Variants in PRKDC observed in about 807,000 individuals in gnomAD.
PRKDC encodes the protein protein kinase, DNA-activated, catalytic subunit.
Under a neutral mutation model 486.9 loss-of-function variants are expected in PRKDC, and 82 were observed. That is an observed-to-expected ratio of 0.17 (90% CI 0.14 to 0.20). The LOEUF is 0.20. Ranked by LOEUF, PRKDC falls within the 10% of genes least tolerant of loss-of-function variation. PRKDC has a pLI of 1.00. For synonymous variants in PRKDC, 1,895 were observed against 1,837.0 expected, an observed-to-expected ratio of 1.03 and a Z score of -0.81; for missense variants, 4,504 against 5,038.2, an observed-to-expected ratio of 0.89 and a Z score of 3.21.
Position 47,889,107 on chromosome 8 carries a change from G to A in PRKDC, c.4187C>T (p.Pro1396Leu), listed in dbSNP as rs762505068. Residue 1396 changes from proline (P) to leucine (L), a missense_variant, in exon 33 of 86, where the codon CCT becomes CTT. Around this residue, in one of 6 missense-constraint regions of PRKDC, gnomAD observed 1,969 missense variants for 2,068.9 expected, o/e 0.95. Transcript: ENST00000314191. ...TTTCATCAGATTCACACAAACATCA[G>A]GAAGATGAGCCATAACCTGGACGTC... ...IGDVQVMAHLPDVCVNLMKAL... is the reference protein window; with the variant it reads ...IGDVQVMAHLLDVCVNLMKAL... 6.2e-7 allele frequency: 1 copy of A among 1,613,996 alleles called. No homozygotes were observed. Among genetic ancestry groups the A allele is most frequent in the Non-Finnish European group, 8.5e-7 (1 of 1,179,902 alleles).
Position 47,849,426 on chromosome 8 carries a change from A to G in PRKDC, c.7083T>C (p.Ile2361=), listed in dbSNP as rs1241908273. The G allele has an allele frequency of 6.2e-6, 10 of 1,613,894 alleles. No homozygotes were observed. The highest frequency in any genetic ancestry group is 3.3e-4 in the Middle Eastern group (2 of 6,084). The change falls in exon 53 of 86, where the codon ATT becomes ATC. Residue 2361 remains isoleucine (I), a synonymous_variant. Transcript: ENST00000314191. ...TCTTGGTCACTTTGTTCAAGCACAC[A>G]ATAAACTTGTCCTCCATAGTATTCT... ...QHQNTMEDKF[I]VCLNKVTKSF...
At chr8:47,816,722 T>C (rs1238501534) in intron 68 of PRKDC, among the ~76,000 whole-genome samples, 1 of 151,964 alleles carries the variant, frequency 6.6e-6, no homozygotes, top group Admixed American at 6.5e-5. Context: ...ATGTTTAAAA[T>C]GTTATTTAAA....
Position 47,858,913 on chromosome 8 carries a change from A to G in PRKDC, c.6281T>C (p.Met2094Thr), listed in dbSNP as rs1487796720. 8 of 1,613,678 alleles carry G rather than the reference A, an allele frequency of 5.0e-6. No homozygotes were observed. Among genetic ancestry groups the G allele is most frequent in the Non-Finnish European group, 6.8e-6 (8 of 1,179,884 alleles). Residue 2094 changes from methionine to threonine, a missense_variant, in exon 47 of 86, where the codon ATG becomes ACG. By Grantham distance (81) the Met-to-Thr change is moderately conservative. Transcript: ENST00000314191. ...EMDELNRHEC[M>T]APLTALVKHM... ...CTTGACCAGGGCCGTCAGGGGCGCCATGCACTCATGCCGATTGAGCTCGTC... is the reference window on the plus strand; with the variant it reads ...CTTGACCAGGGCCGTCAGGGGCGCCGTGCACTCATGCCGATTGAGCTCGTC...
At chr8:47,940,544 A>G (rs2090427086) in intron 10 of PRKDC, among the ~76,000 whole-genome samples, 1 of 152,242 alleles carries the variant, frequency 6.6e-6, no homozygotes, top group African/African-American at 2.4e-5. Flanking sequence ...TATTTGTTTT[A>G]GAAGAATGAA....
intron 41 of PRKDC, among the ~76,000 whole-genome samples, chr8:47,864,099 GATTGT>G (rs540306648): frequency 1.0e-3 from 158 of 152,318 alleles, no homozygotes; most frequent in Non-Finnish European, 1.9e-3. Context: ...GATTATTTTG[GATTGT>G]ACAGGTGGGT....
chr8:47,905,653 G>A (rs1038211993), intron 25 of PRKDC, among the ~76,000 whole-genome samples: 3 of 152,084 alleles, frequency 2.0e-5, no homozygotes, highest in African/African-American at 4.8e-5. Context: ...CCACAGGGGA[G>A]GAACATAGAA....
chr8:47,874,037 G>A (rs528367691), intron 40 of PRKDC, among the ~76,000 whole-genome samples: 62 of 141,804 alleles, frequency 4.4e-4, no homozygotes, highest in African/African-American at 1.5e-3. Context: ...CCTGCCTCCC[G>A]GGTTCACGTC....
At chr8:47,957,333 A>T (rs1433805287) in intron 2 of PRKDC, 22 bp downstream of exon 2, 9 of 1,595,346 alleles carry the variant, frequency 5.6e-6, no homozygotes, top group Non-Finnish European at 7.7e-6. Context: ...CAAGAAAAGC[A>T]AAACCAAAAT....
chr8:47,883,578 T>A (rs1467393785), intron 36 of PRKDC, among the ~76,000 whole-genome samples: 1 of 152,232 alleles, frequency 6.6e-6, no homozygotes, highest in Non-Finnish European at 1.5e-5. Context: ...CTCCTCCTCT[T>A]TTCTCTCGTG....
chr8:47,879,107 C>G lies in PRKDC; in HGVS notation c.5235+384G>C, dbSNP rs8178115. On this transcript the variant is annotated intron_variant, in intron 39 of 85. Coordinates refer to ENST00000314191, the MANE Select transcript of PRKDC (RefSeq NM_006904.7). ...TTTCTTAGCTTCTTTTGGTATTACTCTTCATAACTTACATATATTTTACAC... is the reference window on the plus strand; with the variant it reads ...TTTCTTAGCTTCTTTTGGTATTACTGTTCATAACTTACATATATTTTACAC... Among the ~76,000 whole-genome samples, 606 of 152,270 alleles carry G rather than the reference C, an allele frequency of 4.0e-3. 4 individuals are homozygous for G. Among genetic ancestry groups the G allele is most frequent in the South Asian group, 0.025 (120 of 4,826 alleles).
In PRKDC at chr8:47,861,947, C is replaced by G. The variant is rs1214837545; in HGVS notation, c.5985+115G>C. 6.4e-6 allele frequency: 5 copies of G among 775,802 alleles called. No individual in the cohort carries two copies. The African/African-American group carries it at 8.8e-5, about 14-fold the overall frequency. The allele number at this position is 775,802 out of a possible 1,614,324, so 48.1% of individuals were successfully genotyped here. On this transcript the variant is annotated intron_variant, in intron 44 of 85. Transcript: ENST00000314191. ...AGATTTTATAGAAACCACATGAAACCACCAGTTTTTGTTGAAAGCCGACTT... is the reference window on the plus strand; with the variant it reads ...AGATTTTATAGAAACCACATGAAACGACCAGTTTTTGTTGAAAGCCGACTT...
At chr8:47,820,070 C>T (rs1026924138) in intron 66 of PRKDC, among the ~76,000 whole-genome samples, 13 of 152,138 alleles carry the variant, frequency 8.5e-5, no homozygotes, top group African/African-American at 3.1e-4. Context: ...TCAACCCCTG[C>T]TCTTCTCTAC....
intron 7 of PRKDC, among the ~76,000 whole-genome samples, chr8:47,945,867 G>A (rs1323070050): frequency 3.9e-5 from 6 of 152,012 alleles, no homozygotes; most frequent in East Asian, 2.0e-4. Flanking sequence ...GATTACAGGC[G>A]CCTGCCACCA....
intron 21 of PRKDC, among the ~76,000 whole-genome samples, chr8:47,920,227 A>T (rs1372320098): frequency 6.6e-6 from 1 of 151,900 alleles, no homozygotes; most frequent in Non-Finnish European, 1.5e-5. Context: ...CACACTCTAT[A>T]TTTCTGTGTG....
intron 30 of PRKDC, among the ~76,000 whole-genome samples, chr8:47,896,131 A>G (rs755277891): frequency 1.3e-5 from 2 of 152,122 alleles, no homozygotes; most frequent in East Asian, 1.9e-4. Flanking sequence ...ATGTAAAATG[A>G]TATAGTAAAT....
chr8:47,864,852 C>T lies in PRKDC; in HGVS notation c.5364-89G>A, dbSNP rs563651951. ...ACTACATAACAGGCAAAGTAAACAC[C>T]AGTGATTACAAATTACAAAAATAAC... On this transcript the variant is annotated intron_variant, in intron 40 of 85. Coordinates refer to ENST00000314191, the MANE Select transcript of PRKDC (RefSeq NM_006904.7). 6 of 1,116,160 alleles carry T rather than the reference C, an allele frequency of 5.4e-6. No individual in the cohort carries two copies. The East Asian group carries it at 7.9e-5, about 15-fold the overall frequency. The allele number at this position is 1,116,160 out of a possible 1,614,324, so 69.1% of individuals were successfully genotyped here.
intron 15 of PRKDC, among the ~76,000 whole-genome samples, chr8:47,933,437 T>G (rs947869521): frequency 6.6e-6 from 1 of 152,196 alleles, no homozygotes. Flanking sequence ...GTGAGAAGAT[T>G]TAGGCCAATC....
At chr8:47,907,072 T>C (rs1009971263) in intron 25 of PRKDC, among the ~76,000 whole-genome samples, 3 of 151,354 alleles carry the variant, frequency 2.0e-5, no homozygotes, top group African/African-American at 7.3e-5. Flanking sequence ...GGAGTCTCGC[T>C]CTGTCGCCCA....
At chr8:47,815,043 G>A (rs887347771) in intron 68 of PRKDC, among the ~76,000 whole-genome samples, 5 of 152,126 alleles carry the variant, frequency 3.3e-5, no homozygotes, top group African/African-American at 1.2e-4. Flanking sequence ...GCGCACGCCT[G>A]TGGTCCCAGC....
Sources: gnomAD v4.1 joint callset for allele counts (sites outside exome capture counted in the v4.1 genomes callset) on GRCh38, gnomAD v4.1.1 for gene constraint, gnomAD v4.1.1 regional missense constraint, MANE v1.5 for transcripts, NCBI Gene and HGNC (gene_info 2026-07-23, HGNC 2026-07-21) for gene names.